Variants in TBC1D9B observed in about 807,000 individuals in gnomAD.
The protein encoded by TBC1D9B is TBC1 domain family, member 9B (with GRAM domain).
Under a neutral mutation model 121.1 loss-of-function variants are expected in TBC1D9B, and 87 were observed. That is an observed-to-expected ratio of 0.72 (90% CI 0.60 to 0.86). TBC1D9B has a LOEUF of 0.86. Among genes scored for constraint, TBC1D9B ranks in the 40% least tolerant of loss-of-function variants. The probability of loss-of-function intolerance (pLI) is 0.00; values close to 1 mark genes in which losing one functional copy is unlikely to be tolerated. For missense variants in TBC1D9B, 1,540 were observed against 1,628.6 expected (o/e 0.95, Z 0.94); for synonymous variants, 668 against 670.1 (o/e 1.00, Z 0.05).
chr5:179,906,990 G>T (rs1561653015), intron 1 of TBC1D9B, among the ~76,000 whole-genome samples: 1 of 152,172 alleles, frequency 6.6e-6, no homozygotes, highest in African/African-American at 2.4e-5. Context: ...TGGCCTGTGG[G>T]CCTCCCCTGG....
Position 179,863,900 on chromosome 5 carries a change from GCTGAAGCTCCCTGGCTGCGTC to G in TBC1D9B, c.3229_3249del (p.Asp1077_Gln1083del). Reference sequence around the variant, plus strand: ...GCTTGGGGGTCTCCTGCAGCTGGGGGCTGAAGCTCCCTGGCTGCGTCCTGATGCAGTTCGGGTGCTGGTGGC... The same window carrying G: ...GCTTGGGGGTCTCCTGCAGCTGGGGGCTGATGCAGTTCGGGTGCTGGTGGC... On this transcript the variant is annotated inframe_deletion, in exon 21 of 21. Transcript: ENST00000355235. The surrounding 1 kb of genome is among the most constrained non-coding windows in gnomAD (Gnocchi z 4.5). The G allele has an allele frequency of 6.2e-7, 1 of 1,613,392 alleles. No homozygotes were observed. Among genetic ancestry groups the G allele is most frequent in the Non-Finnish European group, 8.5e-7 (1 of 1,179,668 alleles).
intron 4 of TBC1D9B, 37 bp from the exon 5 acceptor site, chr5:179,893,504 C>A (rs779206045): frequency 2.5e-4 from 391 of 1,556,946 alleles, no homozygotes; most frequent in Non-Finnish European, 3.2e-4. Context: ...CAAGTTAGGG[C>A]CTGGCAGGGC....
rs1760841606 is a variant in TBC1D9B at position 179,890,832 on chromosome 5, T to C, written c.1044+547A>G. On this transcript the variant is annotated intron_variant, in intron 6 of 20. Coordinates refer to ENST00000355235, the MANE Select transcript of TBC1D9B (RefSeq NM_015043.4). This position sits in a 1 kb window ranked among gnomAD's most constrained non-coding sequence, Gnocchi z 5.0. ...GGCCTTGCTCCCACCAGGGTCACTG[T>C]GGAAGTCCAAGAAACCCAAGAAGGA... is the stretch of plus-strand genomic sequence containing the variant. 6.6e-6 allele frequency among the ~76,000 whole-genome samples: 1 copy of C among 152,010 alleles called. No individual in the cohort carries two copies. The highest frequency in any genetic ancestry group is 6.5e-5 in the Admixed American group (1 of 15,270).
chr5:179,879,262 A>G (rs1760460667), intron 8 of TBC1D9B, 65 bp from the exon 9 acceptor site: 4 of 1,548,850 alleles, frequency 2.6e-6, no homozygotes, highest in African/African-American at 2.7e-5. Context: ...GGCCTAGGCC[A>G]CCGCGGAAGC....
chr5:179,875,263 C>T lies in TBC1D9B; in HGVS notation c.1901-76G>A, dbSNP rs1420754393. The T allele has an allele frequency of 4.6e-6, 7 of 1,526,954 alleles. No homozygotes were observed. Among genetic ancestry groups the T allele is most frequent in the Non-Finnish European group, 6.1e-6 (7 of 1,139,422 alleles). The allele number at this position is 1,526,954 out of a possible 1,614,324, so 94.6% of individuals were successfully genotyped here. A position where few individuals can be genotyped will look rare whatever the true frequency, so the allele number is the denominator to read the frequency against. ...TGGGCCCTCACCTGCAGCGTACGAG[C>T]CCTGGCCACTCCAGCCCTGCCAGCT... On this transcript the variant is annotated intron_variant, in intron 11 of 20. Coordinates refer to ENST00000355235, the MANE Select transcript of TBC1D9B (RefSeq NM_015043.4). The surrounding 1 kb of genome is among the most constrained non-coding windows in gnomAD (Gnocchi z 4.5).
Position 179,878,016 on chromosome 5 carries a change from G to A in TBC1D9B, c.1782+293C>T, listed in dbSNP as rs544546586. Among the ~76,000 whole-genome samples, 8 of 152,310 alleles carry A rather than the reference G, an allele frequency of 5.3e-5. No homozygotes were observed. The South Asian group carries it at 8.3e-4, about 16-fold the overall frequency. On this transcript the variant is annotated intron_variant, in intron 10 of 20. Transcript: ENST00000355235. ...ATGTGCTTAGAGCACTGAGCTGCAC[G>A]CTTAAAAACAGTGAAGATGGGACAT... is the stretch of plus-strand genomic sequence containing the variant.
chr5:179,888,440 C>T lies in TBC1D9B; in HGVS notation c.1045-128G>A, dbSNP rs919213999. ...ACAATGCAGTGAGTGGCCCAACTGT[C>T]CTCACATTCTGACTCTGCCACCCGC... On this transcript the variant is annotated intron_variant, in intron 6 of 20. Coordinates refer to ENST00000355235, the MANE Select transcript of TBC1D9B (RefSeq NM_015043.4). 7.2e-6 allele frequency: 7 copies of T among 969,560 alleles called. No homozygotes were observed. In the African/African-American group the frequency reaches 1.0e-4, roughly 14 times the overall value. 60.1% of individuals were successfully genotyped at this position (969,560 alleles called of 1,614,324 possible).
rs1759905474 is a variant in TBC1D9B, at chr5:179,863,458, A to G, written c.3692T>C (p.Val1231Ala). The G allele has an allele frequency of 6.2e-7, 1 of 1,613,306 alleles. No homozygotes were observed. Among genetic ancestry groups the G allele is most frequent in the Non-Finnish European group, 8.5e-7 (1 of 1,179,518 alleles). Residue 1231 changes from valine (V) to alanine (A), a missense_variant, in exon 21 of 21, where the codon GTT (valine) becomes GCT (alanine). Physicochemically the swap from Val to Ala is moderately conservative, Grantham distance 64. Coordinates refer to ENST00000355235, the MANE Select transcript of TBC1D9B (RefSeq NM_015043.4). The surrounding 1 kb of genome is among the most constrained non-coding windows in gnomAD (Gnocchi z 4.5). ...TCACAGCTGCAGGCATCAGCCGGAA[A>G]CTCCAGGCTGCTCATGGTCACTGGC... ...STASDHEQPGVSG is the reference protein window; with the variant it reads ...STASDHEQPGASG
chr5:179,884,061 G>A (rs1161226491), intron 7 of TBC1D9B, among the ~76,000 whole-genome samples: 1 of 152,144 alleles, frequency 6.6e-6, no homozygotes, highest in African/African-American at 2.4e-5. Context: ...CAGAAGAGAA[G>A]TTTTTGTTAA....
rs892583937 is a variant in TBC1D9B at position 179,865,619 on chromosome 5, C to G, written c.2914+219G>C. On this transcript the variant is annotated intron_variant, in intron 19 of 20. Transcript: ENST00000355235. This position sits in a 1 kb window ranked among gnomAD's most constrained non-coding sequence, Gnocchi z 5.1. ...TCTCAGATGGGGAGTCACAGGGCAGCTGGAGAGAAGCTGGCAAGAGAGGGC... is the reference window on the plus strand; with the variant it reads ...TCTCAGATGGGGAGTCACAGGGCAGGTGGAGAGAAGCTGGCAAGAGAGGGC... 5 of 626,878 alleles carry G rather than the reference C, an allele frequency of 8.0e-6. No individual in the cohort carries two copies. The highest frequency in any genetic ancestry group is 1.4e-5 in the Non-Finnish European group (5 of 359,948). The allele number at this position is 626,878 out of a possible 1,614,324, so 38.8% of individuals were successfully genotyped here.
In TBC1D9B at chr5:179,869,752, G is replaced by A. The variant is rs386015; in HGVS notation, c.2791+17C>T. On this transcript the variant is annotated intron_variant, in intron 17 of 20. Transcript: ENST00000355235. ...AAGTGGGAGACCCTGGCTGGGGAGTGGGCAGGAGGCTCTCACCTGGGGGAA... is the reference window on the plus strand; with the variant it reads ...AAGTGGGAGACCCTGGCTGGGGAGTAGGCAGGAGGCTCTCACCTGGGGGAA... The A allele has an allele frequency of 0.013, 20,468 of 1,611,470 alleles. 2,158 individuals are homozygous for A. The African/African-American group carries it at 0.23, about 18-fold the overall frequency.
chr5:179,872,124 C>T (rs558801696), intron 14 of TBC1D9B: 6 of 128,372 alleles, frequency 4.7e-5, no homozygotes, highest in African/African-American at 1.5e-4. Flanking sequence ...GGCCCCTTCC[C>T]AGGATGGGCG....
chr5:179,870,620 C>T (rs933652252), intron 15 of TBC1D9B, 125 bp from the exon 16 acceptor site: 25 of 1,390,342 alleles, frequency 1.8e-5, no homozygotes, highest in South Asian at 3.0e-5. Flanking sequence ...GCGGTAAGCA[C>T]GGGCCAGACA....
rs763482090 is a variant in TBC1D9B at position 179,874,924 on chromosome 5, C to T, written c.2164G>A (p.Glu722Lys). 15 of 1,613,426 alleles carry T rather than the reference C, an allele frequency of 9.3e-6. No homozygotes were observed. The highest frequency in any genetic ancestry group is 1.0e-5 in the Non-Finnish European group (12 of 1,180,034). Residue 722 changes from glutamate (E) to lysine (K), a missense_variant, in exon 12 of 21, where the codon GAG becomes AAG. Glu to Lys is a moderately conservative substitution (Grantham distance 56). Coordinates refer to ENST00000355235, the MANE Select transcript of TBC1D9B (RefSeq NM_015043.4). This position sits in a 1 kb window ranked among gnomAD's most constrained non-coding sequence, Gnocchi z 4.3. ...CACCTGCCCAGCATGGTCATGGCCT[C>T]GCCCTCGTCGCTGCAGCCCAGCAGC... ...EQLLGCSDEGEAMTMLGRYLD... is the reference protein window; with the variant it reads ...EQLLGCSDEGKAMTMLGRYLD...
rs775569768 is a variant in TBC1D9B, at chr5:179,875,068, G to C, written c.2020C>G (p.Leu674Val). The part of the protein sequence containing the change: ...SSISLSWFLT[L>V]FLSVMPFESA... Reference sequence around the variant, plus strand: ...TCGAAGGGCATGACGCTGAGGAAGAGGGTCAGGAACCAGGACAGCGAGATG... The same window carrying C: ...TCGAAGGGCATGACGCTGAGGAAGACGGTCAGGAACCAGGACAGCGAGATG... The change falls in exon 12 of 21, where the codon CTC (leucine) becomes GTC (valine). Residue 674 changes from leucine (L) to valine (V), a missense_variant. Transcript: ENST00000355235. The surrounding 1 kb of genome is among the most constrained non-coding windows in gnomAD (Gnocchi z 4.5). The C allele has an allele frequency of 6.2e-7, 1 of 1,614,128 alleles. No individual in the cohort carries two copies. The highest frequency in any genetic ancestry group is 1.7e-5 in the Admixed American group (1 of 60,034).
rs1291064821 is a variant in TBC1D9B, at chr5:179,890,883, C to A, written c.1044+496G>T. ...GCAAGTGAGAGCCAATGCAGCCTCACAGGGGAGAGCCGACGCCGCCCCACA... is the reference window on the plus strand; with the variant it reads ...GCAAGTGAGAGCCAATGCAGCCTCAAAGGGGAGAGCCGACGCCGCCCCACA... On this transcript the variant is annotated intron_variant, in intron 6 of 20. Coordinates refer to ENST00000355235, the MANE Select transcript of TBC1D9B (RefSeq NM_015043.4). The surrounding 1 kb of genome is among the most constrained non-coding windows in gnomAD (Gnocchi z 5.0). 6.6e-6 allele frequency among the ~76,000 whole-genome samples: 1 copy of A among 152,198 alleles called. No homozygotes were observed. The highest frequency in any genetic ancestry group is 1.9e-4 in the East Asian group (1 of 5,184).
chr5:179,892,937 G>A (rs1028731217), intron 5 of TBC1D9B, among the ~76,000 whole-genome samples: 5 of 152,228 alleles, frequency 3.3e-5, no homozygotes, highest in Non-Finnish European at 5.9e-5. Flanking sequence ...GGGATGGTAA[G>A]AGCCCCTTCC....
In TBC1D9B at chr5:179,875,918, A is replaced by ACCCACCACCCTGGTGTTTC; in HGVS notation, c.1900+1_1900+2insGAAACACCAGGGTGGTGGG. On this transcript the variant is annotated splice_donor_variant, in intron 11 of 20. Transcript: ENST00000355235. LOFTEE classifies it high-confidence loss of function. This position sits in a 1 kb window ranked among gnomAD's most constrained non-coding sequence, Gnocchi z 4.5. ...GGCGAGGCAGCACCCGGGGACACTC[A>ACCCACCACCCTGGTGTTTC]CCCACCACCCTGGTGTTGTAGTAGT... 6.2e-7 allele frequency: 1 copy of ACCCACCACCCTGGTGTTTC among 1,601,694 alleles called. No homozygotes were observed. The highest frequency in any genetic ancestry group is 8.5e-7 in the Non-Finnish European group (1 of 1,175,106).
intron 7 of TBC1D9B, among the ~76,000 whole-genome samples, chr5:179,881,946 G>GTTTTTTTTTT (rs796278508): frequency 1.6e-5 from 2 of 128,284 alleles, no homozygotes; most frequent in African/African-American, 6.7e-5. Flanking sequence ...TATACCTTCC[G>GTTTTTTTTTT]TTTTTTTTTT....
Sources: gnomAD v4.1 joint callset for allele counts (sites outside exome capture counted in the v4.1 genomes callset) on GRCh38, gnomAD v4.1.1 for gene constraint, Gnocchi (gnomAD v3.1) non-coding constraint, MANE v1.5 for transcripts, NCBI Gene and HGNC (gene_info 2026-07-23, HGNC 2026-07-21) for gene names.